Variants in JAZF1 observed in about 807,000 individuals in gnomAD.
JAZF1 encodes the protein juxtaposed with another zinc finger protein 1.
Under a neutral mutation model 26.4 loss-of-function variants are expected in JAZF1, and 8 were observed. The ratio of observed to expected loss-of-function variants is 0.30; its 90% confidence interval spans 0.18 to 0.55. JAZF1 has a LOEUF of 0.55. JAZF1 is among the 20% of genes least tolerant of loss of function. The probability of loss-of-function intolerance (pLI) is 0.94; values close to 1 mark genes in which losing one functional copy is unlikely to be tolerated. For missense variants in JAZF1, 199 were observed against 322.0 expected (o/e 0.62, Z 2.92); for synonymous variants, 126 against 122.3 (o/e 1.03, Z -0.20).
At chr7:28,072,639 A>G (rs915350100) in intron 1 of JAZF1, among the ~76,000 whole-genome samples, 2 of 152,216 alleles carry the variant, frequency 1.3e-5, no homozygotes, top group South Asian at 4.1e-4. Context: ...GAAACCATCC[A>G]TAATTCAGCT....
At chr7:28,023,477 G>A (rs1375436605) in intron 1 of JAZF1, among the ~76,000 whole-genome samples, 2 of 152,238 alleles carry the variant, frequency 1.3e-5, no homozygotes, top group African/African-American at 4.8e-5. Flanking sequence ...AGAATTAGAA[G>A]TGAATTCTGA....
At chr7:27,845,480 C>T (rs934169455) in intron 3 of JAZF1, among the ~76,000 whole-genome samples, 2 of 152,104 alleles carry the variant, frequency 1.3e-5, no homozygotes, top group South Asian at 2.1e-4. Context: ...GGGTGGATCA[C>T]GAGGTCAGGA....
chr7:28,063,241 G>C (rs1313515450), intron 1 of JAZF1, among the ~76,000 whole-genome samples: 1 of 152,142 alleles, frequency 6.6e-6, no homozygotes, highest in Non-Finnish European at 1.5e-5. Flanking sequence ...ATTTTAACAA[G>C]AATTTGCAGA....
At chr7:28,172,607 C>G (rs996496108) in intron 1 of JAZF1, among the ~76,000 whole-genome samples, 3 of 152,174 alleles carry the variant, frequency 2.0e-5, no homozygotes, top group African/African-American at 7.2e-5. Context: ...TAGATAAGAA[C>G]TGAATCCTCC....
intron 2 of JAZF1, among the ~76,000 whole-genome samples, chr7:27,911,767 T>C (rs1253413263): frequency 2.0e-5 from 3 of 151,980 alleles, no homozygotes; most frequent in Non-Finnish European, 2.9e-5. Context: ...TTGGGAGTCA[T>C]CCACCCAGAG....
chr7:28,073,693 G>A (rs1784010523), intron 1 of JAZF1, among the ~76,000 whole-genome samples: 1 of 152,116 alleles, frequency 6.6e-6, no homozygotes, highest in South Asian at 2.1e-4. Flanking sequence ...CCTGCCCGGG[G>A]CAGTGCTGGC....
chr7:27,909,078 T>C (rs1010117431), intron 2 of JAZF1, among the ~76,000 whole-genome samples: 2 of 151,872 alleles, frequency 1.3e-5, no homozygotes, highest in African/African-American at 4.9e-5. Context: ...GGCGTGATCA[T>C]AGGTAACTGC....
chr7:27,972,362 G>A (rs1785388412), intron 2 of JAZF1, among the ~76,000 whole-genome samples: 1 of 152,228 alleles, frequency 6.6e-6, no homozygotes, highest in African/African-American at 2.4e-5. Context: ...ACAAGGACAA[G>A]AGACTTGGAG....
intron 1 of JAZF1, among the ~76,000 whole-genome samples, chr7:28,108,766 G>T (rs111570511): frequency 6.6e-6 from 1 of 152,270 alleles, no homozygotes; most frequent in South Asian, 2.1e-4. Flanking sequence ...GTTCACTGAC[G>T]CATTATTCTC....
intron 4 of JAZF1, among the ~76,000 whole-genome samples, chr7:27,835,406 G>C (rs540992945): frequency 6.6e-6 from 1 of 152,172 alleles, no homozygotes; most frequent in Admixed American, 6.5e-5. Context: ...AGGGGATTCC[G>C]GCAGGCGCTG....
intron 2 of JAZF1, among the ~76,000 whole-genome samples, chr7:27,972,124 G>T (rs1427704792): frequency 6.6e-6 from 1 of 152,196 alleles, no homozygotes; most frequent in Non-Finnish European, 1.5e-5. Context: ...TTCCTTAGGG[G>T]AAGACAGGTA....
intron 1 of JAZF1, among the ~76,000 whole-genome samples, chr7:28,024,923 G>A (rs889177645): frequency 1.7e-4 from 26 of 152,196 alleles, no homozygotes; most frequent in Non-Finnish European, 2.6e-4. Context: ...AAAGCACCAT[G>A]ACCAGCAGAA....
In JAZF1 at chr7:28,033,545, G is replaced by A. The variant is rs75655088; in HGVS notation, c.116-41564C>T. Among the ~76,000 whole-genome samples the A allele has an allele frequency of 5.2e-3, 792 of 152,292 alleles. 4 individuals carry two copies. Among genetic ancestry groups the A allele is most frequent in the Middle Eastern group, 0.014 (4 of 294 alleles). ...AATGAGAACTGAGGGTGTGGAGCAG[G>A]TTTGGGGAATTACTGTAATGTGACC... On this transcript the variant is annotated intron_variant, in intron 1 of 4. Transcript: ENST00000283928.
intron 1 of JAZF1, among the ~76,000 whole-genome samples, chr7:28,102,360 C>T (rs540306662): frequency 6.6e-6 from 1 of 152,328 alleles, no homozygotes; most frequent in African/African-American, 2.4e-5. Context: ...AAATGCCTGG[C>T]GATAGCGCCC....
chr7:28,094,739 C>T (rs988716888), intron 1 of JAZF1, among the ~76,000 whole-genome samples: 1 of 152,152 alleles, frequency 6.6e-6, no homozygotes, highest in African/African-American at 2.4e-5. Flanking sequence ...TCATGTTTTG[C>T]TTATGGTGCT....
intron 2 of JAZF1, among the ~76,000 whole-genome samples, chr7:27,920,448 G>C (rs1784508509): frequency 6.6e-6 from 1 of 152,202 alleles, no homozygotes; most frequent in African/African-American, 2.4e-5. Flanking sequence ...AACTGTGTAA[G>C]CAGGTTGGCT....
At chr7:28,173,880 TAAAAAA>T (rs58075065) in intron 1 of JAZF1, among the ~76,000 whole-genome samples, 3 of 93,146 alleles carry the variant, frequency 3.2e-5, no homozygotes, top group Admixed American at 2.6e-4. Flanking sequence ...CAGCTAGCTT[TAAAAAA>T]AAAAAAAAAA....
intron 3 of JAZF1, among the ~76,000 whole-genome samples, chr7:27,859,225 C>T (rs2128335764): frequency 6.6e-6 from 1 of 152,324 alleles, no homozygotes. Context: ...CAGGAAACAA[C>T]AGATGCTGGA....
intron 1 of JAZF1, among the ~76,000 whole-genome samples, chr7:28,155,748 G>A (rs1299924790): frequency 1.3e-5 from 2 of 152,168 alleles, no homozygotes; most frequent in Non-Finnish European, 2.9e-5. Flanking sequence ...ACCACATCTA[G>A]GCTGTGACAG....
Sources: allele counts gnomAD v4.1 joint callset (sites outside exome capture counted in the v4.1 genomes callset), GRCh38; gene constraint gnomAD v4.1.1; transcripts MANE v1.5; gene names NCBI Gene and HGNC (gene_info 2026-07-23, HGNC 2026-07-21).